Variants in THSD7A observed in about 807,000 individuals in gnomAD.
The protein encoded by THSD7A is thrombospondin type 1 domain containing 7A.
A neutral mutation model predicts 231.3 loss-of-function variants in THSD7A; 96 were observed. That is an observed-to-expected ratio of 0.41 (90% CI 0.35 to 0.49). THSD7A has a LOEUF of 0.49. Ranked by LOEUF, THSD7A falls within the 20% of genes least tolerant of loss-of-function variation. The pLI, the probability that THSD7A is intolerant of heterozygous loss-of-function variation, is 0.05. For synonymous variants in THSD7A, 940 were observed against 743.3 expected (o/e 1.26, Z -4.30); for missense variants, 2,290 against 2,070.2 (o/e 1.11, Z -2.06).
chr7:11,455,920 T>C (rs1335366662), intron 11 of THSD7A, among the ~76,000 whole-genome samples: 1 of 152,052 alleles, frequency 6.6e-6, no homozygotes, highest in African/African-American at 2.4e-5. Flanking sequence ...AAAATTATGC[T>C]ATTAATAGTA....
intron 1 of THSD7A, among the ~76,000 whole-genome samples, chr7:11,776,102 T>G (rs1054111275): frequency 6.6e-6 from 1 of 152,204 alleles, no homozygotes; most frequent in Non-Finnish European, 1.5e-5. Context: ...TCTGAAGCCC[T>G]GATTGGCCCA....
At chr7:11,382,425 G>T in intron 24 of THSD7A, 96 bp downstream of exon 24, 1 of 1,031,346 alleles carries the variant, frequency 9.7e-7, no homozygotes, top group Non-Finnish European at 1.5e-6. Context: ...TTTGAATACT[G>T]AAAGAGTAAC....
intron 1 of THSD7A, among the ~76,000 whole-genome samples, chr7:11,751,808 A>G (rs1169478136): frequency 2.6e-5 from 4 of 151,984 alleles, no homozygotes; most frequent in Admixed American, 6.6e-5. Context: ...GGATAACCCA[A>G]CCCCTGGTAT....
At chr7:11,701,629 G>C (rs1425114198) in intron 1 of THSD7A, among the ~76,000 whole-genome samples, 1 of 150,802 alleles carries the variant, frequency 6.6e-6, no homozygotes, top group Non-Finnish European at 1.5e-5. Context: ...TAAATAACCT[G>C]GGGTCTTGTT....
chr7:11,488,070 C>A (rs1786734244), intron 6 of THSD7A, among the ~76,000 whole-genome samples: 1 of 152,062 alleles, frequency 6.6e-6, no homozygotes, highest in Admixed American at 6.6e-5. Flanking sequence ...GAAATTGAAG[C>A]AGAGAGGGAC....
chr7:11,607,257 G>A (rs1197122933), intron 2 of THSD7A, among the ~76,000 whole-genome samples: 1 of 152,054 alleles, frequency 6.6e-6, no homozygotes, highest in African/African-American at 2.4e-5. Flanking sequence ...AATGGGGTAG[G>A]AGGATTTCTC....
At chr7:11,808,184 T>A (rs1023056716) in intron 1 of THSD7A, among the ~76,000 whole-genome samples, 2 of 152,070 alleles carry the variant, frequency 1.3e-5, no homozygotes, top group Non-Finnish European at 2.9e-5. Context: ...TGCTATGGTT[T>A]GAATGTGTCC....
intron 4 of THSD7A, among the ~76,000 whole-genome samples, chr7:11,553,781 T>A (rs1041393504): frequency 2.0e-5 from 3 of 152,026 alleles, no homozygotes; most frequent in Non-Finnish European, 4.4e-5. Context: ...TCTGAAATAT[T>A]CTTGTTTTGA....
chr7:11,798,106 A>G (rs1415948370), intron 1 of THSD7A, among the ~76,000 whole-genome samples: 1 of 152,174 alleles, frequency 6.6e-6, no homozygotes, highest in African/African-American at 2.4e-5. Flanking sequence ...GGATTCACCT[A>G]ACCATCTTTG....
chr7:11,563,860 G>T (rs1046033055), intron 4 of THSD7A, among the ~76,000 whole-genome samples: 1 of 152,058 alleles, frequency 6.6e-6, no homozygotes, highest in East Asian at 1.9e-4. Context: ...ATCATAGATC[G>T]CATCCTCTTT....
chr7:11,669,714 T>A (rs972049680), intron 1 of THSD7A, among the ~76,000 whole-genome samples: 3 of 152,096 alleles, frequency 2.0e-5, no homozygotes, highest in Non-Finnish European at 4.4e-5. Context: ...AAATGAGTCA[T>A]AACTAGAATC....
At position 11,460,733 on chromosome 7, in the gene THSD7A, A is replaced by G. The variant is rs773623866; in HGVS notation, c.2534T>C (p.Leu845Ser). ...GTCTTGTTGCACGCTCCAAGGGACT[A>G]ATTGGCATCTGCGCCATTTGTGAGT... ...WKTHKWRRCQ[L>S]VPWSVQQDSP... Residue 845 changes from leucine to serine, a missense_variant, in exon 11 of 28, where the codon TTA becomes TCA. Leu to Ser is a moderately radical substitution (Grantham distance 145, BLOSUM62 -2). Transcript: ENST00000423059. The G allele has an allele frequency of 1.2e-6, 2 of 1,612,694 alleles. No individual in the cohort carries two copies. Among genetic ancestry groups the G allele is most frequent in the South Asian group, 2.2e-5 (2 of 90,744 alleles).
In THSD7A at chr7:11,493,304, G is replaced by A. The variant is rs191282131; in HGVS notation, c.1823-11322C>T. On this transcript the variant is annotated intron_variant, in intron 6 of 27. Coordinates refer to ENST00000423059, the MANE Select transcript of THSD7A (RefSeq NM_015204.3). Reference sequence around the variant, plus strand: ...GGTGAGTTTGGGATGGGCCAAGATGGAACTCTGGAACCAGTCAACATACGT... The same window carrying A: ...GGTGAGTTTGGGATGGGCCAAGATGAAACTCTGGAACCAGTCAACATACGT... Among the ~76,000 whole-genome samples the A allele has an allele frequency of 7.5e-3, 1,137 of 152,128 alleles. 10 individuals are homozygous for A. The highest frequency in any genetic ancestry group is 0.026 in the African/African-American group (1,091 of 41,530).
At chr7:11,554,826 G>A (rs370470708) in intron 4 of THSD7A, among the ~76,000 whole-genome samples, 5 of 151,824 alleles carry the variant, frequency 3.3e-5, no homozygotes, top group African/African-American at 9.6e-5. Flanking sequence ...AGTTGTGGTA[G>A]GTTGCAATTT....
intron 1 of THSD7A, among the ~76,000 whole-genome samples, chr7:11,642,601 T>G (rs1008811632): frequency 1.1e-4 from 17 of 152,176 alleles, no homozygotes; most frequent in African/African-American, 4.1e-4. Flanking sequence ...TTAAAGCAAC[T>G]GTTTTATATG....
At chr7:11,552,387 T>C (rs1364414442) in intron 4 of THSD7A, among the ~76,000 whole-genome samples, 2 of 152,094 alleles carry the variant, frequency 1.3e-5, no homozygotes, top group Non-Finnish European at 2.9e-5. Context: ...GTTAAAACAT[T>C]GTGCTTTTAC....
At chr7:11,710,413 T>C (rs1363454486) in intron 1 of THSD7A, among the ~76,000 whole-genome samples, 3 of 150,952 alleles carry the variant, frequency 2.0e-5, no homozygotes, top group Non-Finnish European at 3.0e-5. Context: ...AATCCACTCA[T>C]CAAAGCTAAG....
chr7:11,402,135 A>G (rs1783427584), intron 22 of THSD7A, among the ~76,000 whole-genome samples, 167 bp from the exon 23 acceptor site: 2 of 152,146 alleles, frequency 1.3e-5, no homozygotes, highest in African/African-American at 4.8e-5. Context: ...TAATTGTATA[A>G]CTTTGTATAT....
At chr7:11,555,753 T>C (rs1208727814) in intron 4 of THSD7A, among the ~76,000 whole-genome samples, 2 of 151,750 alleles carry the variant, frequency 1.3e-5, no homozygotes, top group Admixed American at 6.6e-5. Context: ...TTGCAGTCTG[T>C]TGTTTGGCAC....
Sources: gnomAD v4.1 joint callset for allele counts (sites outside exome capture counted in the v4.1 genomes callset) on GRCh38, gnomAD v4.1.1 for gene constraint, MANE v1.5 for transcripts, NCBI Gene and HGNC (gene_info 2026-07-23, HGNC 2026-07-21) for gene names.